NCBP3: variants seen among roughly 807,000 people sequenced by gnomAD.
The protein encoded by NCBP3 is nuclear cap binding subunit 3.
NCBP3 carries 20 observed loss-of-function variants against 75.7 expected under a neutral mutation model. That is an observed-to-expected ratio of 0.26 (90% confidence interval 0.19 to 0.38). The LOEUF (loss-of-function observed/expected upper bound fraction) is 0.38, where lower values mean the gene tolerates loss of function less well. Among genes scored for constraint, NCBP3 ranks in the 10% least tolerant of loss-of-function variants. NCBP3 has a pLI of 1.00. For missense variants in NCBP3, 678 were observed against 796.9 expected (o/e 0.85, Z 1.80); for synonymous variants, 293 against 290.5 (o/e 1.01, Z -0.09).
intron 3 of NCBP3, among the ~76,000 whole-genome samples, chr17:3,832,605 T>A (rs1252931254): frequency 6.7e-6 from 1 of 149,066 alleles, no homozygotes; most frequent in Non-Finnish European, 1.5e-5. Context: ...CACTCCAGCC[T>A]GGGTGACAGA....
Position 3,813,029 on chromosome 17 carries a change from T to C in NCBP3, c.*15A>G, listed in dbSNP as rs752424147. ...ATGTCAGGCTTTAGGGCAGCTGCCATAGGCCCCAGGGGCATCAGGACTCTG... is the reference window on the plus strand; with the variant it reads ...ATGTCAGGCTTTAGGGCAGCTGCCACAGGCCCCAGGGGCATCAGGACTCTG... On this transcript the variant is annotated 3_prime_UTR_variant, in exon 13 of 13. Transcript: ENST00000389005. The C allele has an allele frequency of 3.1e-6, 5 of 1,613,998 alleles. No individual in the cohort carries two copies. The highest frequency in any genetic ancestry group is 1.7e-5 in the Admixed American group (1 of 60,008).
At chr17:3,827,685 G>A (rs1431975) in intron 4 of NCBP3, among the ~76,000 whole-genome samples, 64,151 of 151,960 alleles carry the variant, frequency 0.42, 14,279 homozygotes, top group East Asian at 0.6. Flanking sequence ...TCCTTCCTCT[G>A]TTTCTCAGGT....
intron 1 of NCBP3, among the ~76,000 whole-genome samples, chr17:3,844,428 A>G (rs1187714329): frequency 6.6e-6 from 1 of 152,028 alleles, no homozygotes; most frequent in Non-Finnish European, 1.5e-5. Context: ...TGCTGGGGGA[A>G]CTCCTTTTCA....
At chr17:3,838,848 G>A (rs1026354646) in intron 3 of NCBP3, among the ~76,000 whole-genome samples, 5 of 152,194 alleles carry the variant, frequency 3.3e-5, no homozygotes, top group African/African-American at 1.2e-4. Context: ...AACGAGTCTA[G>A]TAAAAAAGCA....
At position 3,802,348 on chromosome 17, in the gene NCBP3, G is replaced by C. The variant is rs898974782; in HGVS notation, c.*10696C>G. 3 of 151,910 alleles carry C rather than the reference G, an allele frequency of 2.0e-5. No individual in the cohort carries two copies. The highest frequency in any genetic ancestry group is 7.3e-5 in the African/African-American group (3 of 41,326). The allele number at this position is 151,910 out of a possible 1,614,324, so 9.4% of individuals were successfully genotyped here. On this transcript the variant is annotated 3_prime_UTR_variant, in exon 13 of 13. Transcript: ENST00000389005. ...GTTATTTTGTTTCTCGCATTGAAAG[G>C]CTGCTTGGCTAAGGTTCTGTGAAGA...
Position 3,804,153 on chromosome 17 carries a change from GT to G in NCBP3, c.*8890del, listed in dbSNP as rs1298775459. ...TACTTGGGAAAGCTTGAGCCCAGGA[GT>G]TTGAGTCCAATCTAGACAACATAGT... On this transcript the variant is annotated 3_prime_UTR_variant, in exon 13 of 13. Transcript: ENST00000389005. The G allele has an allele frequency of 1.3e-5, 2 of 152,324 alleles. No individual in the cohort carries two copies. Among genetic ancestry groups the G allele is most frequent in the Non-Finnish European group, 2.9e-5 (2 of 68,030 alleles). The allele number at this position is 152,324 out of a possible 1,614,324, so 9.4% of individuals were successfully genotyped here.
chr17:3,803,446 G>C lies in NCBP3; in HGVS notation c.*9598C>G, dbSNP rs1432819061. 1 of 152,228 alleles carries C rather than the reference G, an allele frequency of 6.6e-6. No individual in the cohort carries two copies. Among genetic ancestry groups the C allele is most frequent in the Non-Finnish European group, 1.5e-5 (1 of 68,044 alleles). 9.4% of individuals were successfully genotyped at this position (152,228 alleles called of 1,614,324 possible). ...AAATTAGCAACTCCTGGGCTGATCA[G>C]AGAATATTACACATTTCCTGAATTT... is the stretch of plus-strand genomic sequence containing the variant. On this transcript the variant is annotated 3_prime_UTR_variant, in exon 13 of 13. Transcript: ENST00000389005.
intron 3 of NCBP3, among the ~76,000 whole-genome samples, chr17:3,835,301 A>G (rs2053954575): frequency 6.6e-6 from 1 of 152,252 alleles, no homozygotes; most frequent in African/African-American, 2.4e-5. Context: ...CTTTGGCTGC[A>G]TATAGGATGA....
At chr17:3,838,000 A>T (rs111537246) in intron 3 of NCBP3, among the ~76,000 whole-genome samples, 3,241 of 150,974 alleles carry the variant, frequency 0.021, 119 homozygotes, top group African/African-American at 0.072. Context: ...AAATTTTTTT[A>T]AATTAAAAGT....
intron 9 of NCBP3, among the ~76,000 whole-genome samples, chr17:3,820,864 G>A (rs990451346): frequency 2.6e-5 from 4 of 151,664 alleles, no homozygotes; most frequent in Non-Finnish European, 1.5e-5. Flanking sequence ...CCAGGAGGCA[G>A]AGTTGCAGTG....
In NCBP3 at chr17:3,808,521, T is replaced by C. The variant is rs889214188; in HGVS notation, c.*4523A>G. The C allele has an allele frequency of 6.6e-6, 1 of 151,996 alleles. No individual in the cohort carries two copies. Among genetic ancestry groups the C allele is most frequent in the South Asian group, 2.1e-4 (1 of 4,812 alleles). 9.4% of individuals were successfully genotyped at this position (151,996 alleles called of 1,614,324 possible). Reference sequence around the variant, plus strand: ...AGACCTTAAGTTGGTGAGGGGAAGATTGAGGCGGGAGGGGGAGAAGCCTGG... The same window carrying C: ...AGACCTTAAGTTGGTGAGGGGAAGACTGAGGCGGGAGGGGGAGAAGCCTGG... On this transcript the variant is annotated 3_prime_UTR_variant, in exon 13 of 13. Transcript: ENST00000389005.
chr17:3,826,026 G>C (rs2053777215), intron 5 of NCBP3, 61 bp downstream of exon 5: 1 of 1,520,686 alleles, frequency 6.6e-7, no homozygotes, highest in African/African-American at 1.4e-5. Flanking sequence ...GCTCTGCTCA[G>C]AAACAGGACT....
rs1360791958 is a variant in NCBP3, at chr17:3,829,325, T to C, written c.399A>G (p.Val133=). The change falls in exon 4 of 13, where the codon GTA becomes GTG. Residue 133 remains valine (V), a synonymous_variant. Coordinates refer to ENST00000389005, the MANE Select transcript of NCBP3 (RefSeq NM_001114118.3). ...VRLETIYICG[V]DEMSTQDVFS... Reference sequence around the variant, plus strand: ...AGACATCTTGGGTGCTCATCTCATCTACTCCGCAAATATAGATTGTCTCCA... The same window carrying C: ...AGACATCTTGGGTGCTCATCTCATCCACTCCGCAAATATAGATTGTCTCCA... 4 of 1,551,804 alleles carry C rather than the reference T, an allele frequency of 2.6e-6. No homozygotes were observed. Among genetic ancestry groups the C allele is most frequent in the Non-Finnish European group, 3.5e-6 (4 of 1,147,008 alleles).
At chr17:3,837,437 C>G (rs923671467) in intron 3 of NCBP3, among the ~76,000 whole-genome samples, 1 of 151,456 alleles carries the variant, frequency 6.6e-6, no homozygotes. Context: ...GCAGAGGTTG[C>G]AGTGAGCCGA....
rs1011466130 is a variant in NCBP3 at position 3,808,833 on chromosome 17, G to C, written c.*4211C>G. The C allele has an allele frequency of 6.6e-6, 1 of 152,134 alleles. No homozygotes were observed. Among genetic ancestry groups the C allele is most frequent in the African/African-American group, 2.4e-5 (1 of 41,418 alleles). 9.4% of individuals were successfully genotyped at this position (152,134 alleles called of 1,614,324 possible). A position where few individuals can be genotyped will look rare whatever the true frequency, so the allele number is the denominator to read the frequency against. ...CAGCCTTGAATTACTGGGCTCATGC[G>C]ATCAGGAGTGTGGAATTTATTCTCG... On this transcript the variant is annotated 3_prime_UTR_variant, in exon 13 of 13. Transcript: ENST00000389005.
At chr17:3,845,205 CATAATT>C (rs1343491298) in intron 1 of NCBP3, among the ~76,000 whole-genome samples, 2 of 152,284 alleles carry the variant, frequency 1.3e-5, no homozygotes, top group Admixed American at 1.3e-4. Context: ...TGTTGTTAAT[CATAATT>C]ATAACGTTTG....
At position 3,809,231 on chromosome 17, in the gene NCBP3, C is replaced by T. The variant is rs2053370501; in HGVS notation, c.*3813G>A. On this transcript the variant is annotated 3_prime_UTR_variant, in exon 13 of 13. Transcript: ENST00000389005. ...ATGTGGAGAAACTGGAACCCTCGCA[C>T]ACTGCTGGTGGAATGGAAAATGATA... 6.6e-6 allele frequency: 1 copy of T among 152,132 alleles called. No individual in the cohort carries two copies. Among genetic ancestry groups the T allele is most frequent in the South Asian group, 2.1e-4 (1 of 4,830 alleles). 9.4% of individuals were successfully genotyped at this position (152,132 alleles called of 1,614,324 possible). A position where few individuals can be genotyped will look rare whatever the true frequency, so the allele number is the denominator to read the frequency against.
Position 3,820,068 on chromosome 17 carries a change from C to T in NCBP3, c.1000+1181G>A, listed in dbSNP as rs565782286. On this transcript the variant is annotated intron_variant, in intron 9 of 12. Coordinates refer to ENST00000389005, the MANE Select transcript of NCBP3 (RefSeq NM_001114118.3). ...TCCAGGCTCAGGCAATCTCAGCCTC[C>T]CAAGTAGCTGGGACCACAGGTATGT... Among the ~76,000 whole-genome samples, 45 of 152,252 alleles carry T rather than the reference C, an allele frequency of 3.0e-4. 1 individual carries two copies. The South Asian group carries it at 9.3e-3, about 32-fold the overall frequency.
In NCBP3 at chr17:3,845,254, C is replaced by T. The variant is rs2054140702; in HGVS notation, c.183+787G>A. Among the ~76,000 whole-genome samples, 3 of 152,162 alleles carry T rather than the reference C, an allele frequency of 2.0e-5. No individual in the cohort carries two copies. The South Asian group carries it at 6.2e-4, about 32-fold the overall frequency. ...TAGCGATCATACTTTAACCTTTCTCCATAACTTCAGTCTAAATATGTTGAC... is the reference window on the plus strand; with the variant it reads ...TAGCGATCATACTTTAACCTTTCTCTATAACTTCAGTCTAAATATGTTGAC... On this transcript the variant is annotated intron_variant, in intron 1 of 12. Coordinates refer to ENST00000389005, the MANE Select transcript of NCBP3 (RefSeq NM_001114118.3).
Sources: allele counts gnomAD v4.1 joint callset (sites outside exome capture counted in the v4.1 genomes callset), GRCh38; gene constraint gnomAD v4.1.1; transcripts MANE v1.5; gene names NCBI Gene and HGNC (gene_info 2026-07-23, HGNC 2026-07-21).